FMN1: variants seen among roughly 807,000 people sequenced by gnomAD.
FMN1 encodes formin-1.
Under a neutral mutation model 132.4 loss-of-function variants are expected in FMN1, and 110 were observed. That is an observed-to-expected ratio of 0.83 (90% CI 0.71 to 0.97). FMN1 has a LOEUF of 0.97. Among genes scored for constraint, FMN1 ranks in the 50% least tolerant of loss-of-function variants. FMN1 has a pLI of 0.00. For missense variants in FMN1, 1,792 were observed against 1,705.3 expected (o/e 1.05, Z -0.90); for synonymous variants, 722 against 651.7 (o/e 1.11, Z -1.64).
chr15:32,878,322 G>A (rs1175549014), intron 16 of FMN1, among the ~76,000 whole-genome samples: 1 of 152,222 alleles, frequency 6.6e-6, no homozygotes, highest in Non-Finnish European at 1.5e-5. Context: ...GCATGAGTAT[G>A]AGGTTGGATT....
chr15:32,874,002 A>T (rs1311702195), intron 16 of FMN1, among the ~76,000 whole-genome samples: 1 of 143,240 alleles, frequency 7.0e-6, no homozygotes, highest in Non-Finnish European at 1.5e-5. Flanking sequence ...TATGATTCAC[A>T]ATTTTATTTT....
chr15:32,792,827 A>G (rs2057137511), intron 19 of FMN1, among the ~76,000 whole-genome samples: 1 of 152,186 alleles, frequency 6.6e-6, no homozygotes, highest in African/African-American at 2.4e-5. Context: ...GCCCCCTTAC[A>G]CGTTGGGAAT....
intron 9 of FMN1, among the ~76,000 whole-genome samples, chr15:32,953,941 G>T (rs1354895825): frequency 6.6e-6 from 1 of 152,204 alleles, no homozygotes. Context: ...GTTTAAAAAT[G>T]TATGTGGGAA....
intron 5 of FMN1, chr15:33,067,545 T>C (rs1054450574): frequency 5.6e-6 from 9 of 1,613,962 alleles, no homozygotes; most frequent in Non-Finnish European, 7.6e-6. Flanking sequence ...AGGAGAGATG[T>C]CCCTGCTTCT....
At chr15:32,868,573 T>C (rs1029931464) in intron 16 of FMN1, among the ~76,000 whole-genome samples, 1 of 152,200 alleles carries the variant, frequency 6.6e-6, no homozygotes, top group Non-Finnish European at 1.5e-5. Context: ...TGACTGTATG[T>C]ATGTATATGT....
intron 4 of FMN1, among the ~76,000 whole-genome samples, chr15:33,103,332 T>C (rs2039365131): frequency 6.6e-6 from 1 of 152,070 alleles, no homozygotes; most frequent in Non-Finnish European, 1.5e-5. Flanking sequence ...CCCAGTCTCC[T>C]CTGTGAAAGG....
intron 17 of FMN1, among the ~76,000 whole-genome samples, chr15:32,822,321 G>T (rs1367645430): frequency 6.6e-6 from 1 of 152,090 alleles, no homozygotes; most frequent in Non-Finnish European, 1.5e-5. Flanking sequence ...TGCACTCCAG[G>T]CCTGGGTGAC....
chr15:33,183,318 G>T (rs1054570473), intron 2 of FMN1, among the ~76,000 whole-genome samples: 12 of 152,164 alleles, frequency 7.9e-5, no homozygotes, highest in Admixed American at 7.2e-4. Context: ...ACAGTAAGTG[G>T]CACATAAATG....
intron 18 of FMN1, among the ~76,000 whole-genome samples, chr15:32,800,907 AT>A (rs771818441): frequency 3.9e-4 from 59 of 152,196 alleles, no homozygotes; most frequent in African/African-American, 1.4e-3. Context: ...GCATGTGATT[AT>A]TTTTTCTCTT....
chr15:33,122,952 G>A (rs1185133870), intron 4 of FMN1, among the ~76,000 whole-genome samples: 1 of 152,006 alleles, frequency 6.6e-6, no homozygotes, highest in African/African-American at 2.4e-5. Flanking sequence ...ATATATACAT[G>A]GCCTAACAAT....
chr15:32,867,414 G>A (rs1431818222), intron 16 of FMN1, among the ~76,000 whole-genome samples: 1 of 152,046 alleles, frequency 6.6e-6, no homozygotes, highest in Non-Finnish European at 1.5e-5. Flanking sequence ...CCATTATGGT[G>A]TTCTCCTGCT....
At chr15:32,961,165 C>T (rs1423081381) in intron 9 of FMN1, among the ~76,000 whole-genome samples, 6 of 148,088 alleles carry the variant, frequency 4.1e-5, no homozygotes, top group African/African-American at 1.5e-4. Flanking sequence ...CGGAGTTTTG[C>T]TCTTGTTGCC....
At chr15:33,182,005 C>T (rs910549129) in intron 2 of FMN1, among the ~76,000 whole-genome samples, 8 of 152,236 alleles carry the variant, frequency 5.3e-5, no homozygotes, top group Non-Finnish European at 1.0e-4. Context: ...CCACCATACC[C>T]GGCCCGTGAT....
Position 33,158,434 on chromosome 15 carries a change from T to TA in FMN1, c.-131-3390dup, listed in dbSNP as rs1193148806. Among the ~76,000 whole-genome samples the TA allele has an allele frequency of 4.9e-3, 689 of 140,304 alleles. 5 individuals carry two copies. The highest frequency in any genetic ancestry group is 0.016 in the African/African-American group (619 of 38,424). The allele number at this position is 140,304 out of a possible 152,430, so 92.0% of individuals were successfully genotyped here. On this transcript the variant is annotated intron_variant, in intron 3 of 20. Transcript: ENST00000616417. ...AATGCAAGGCATAAAGCTACTATTA[T>TA]AAAAAAAAAGAAAAAAAAAAAGAAC...
intron 5 of FMN1, chr15:33,066,998 G>C: frequency 6.2e-7 from 1 of 1,613,940 alleles, no homozygotes; most frequent in Non-Finnish European, 8.5e-7. Flanking sequence ...TTTAATTTCC[G>C]TGATGGTCTC....
intron 5 of FMN1, chr15:33,068,047 C>T: frequency 7.0e-7 from 1 of 1,430,998 alleles, no homozygotes; most frequent in Non-Finnish European, 9.1e-7. Context: ...TTTCGGGTCA[C>T]AGTGCCCTCC....
chr15:33,174,299 T>C (rs1311909875), intron 3 of FMN1, among the ~76,000 whole-genome samples: 1 of 152,190 alleles, frequency 6.6e-6, no homozygotes, highest in African/African-American at 2.4e-5. Context: ...TTGACAGAAA[T>C]TCTAAGGAAA....
chr15:32,941,662 G>A (rs1159720485), intron 9 of FMN1, among the ~76,000 whole-genome samples: 1 of 152,122 alleles, frequency 6.6e-6, no homozygotes, highest in Non-Finnish European at 1.5e-5. Flanking sequence ...TCATTTTCTA[G>A]TATTAAGAGA....
intron 17 of FMN1, among the ~76,000 whole-genome samples, chr15:32,809,730 G>A (rs951397299): frequency 4.6e-5 from 7 of 151,986 alleles, no homozygotes; most frequent in African/African-American, 7.3e-5. Context: ...GTGGTGAGCC[G>A]TTCTTTCTGT....
Sources: allele counts gnomAD v4.1 joint callset (sites outside exome capture counted in the v4.1 genomes callset), GRCh38; gene constraint gnomAD v4.1.1; transcripts MANE v1.5; gene names NCBI Gene and HGNC (gene_info 2026-07-23, HGNC 2026-07-21).